The following UBAP2 variants were observed in gnomAD, a reference collection of about 807,000 sequenced individuals.
UBAP2 encodes the protein ubiquitin-associated protein 2.
UBAP2 carries 75 observed loss-of-function variants against 139.6 expected under a neutral mutation model. The observed-to-expected ratio is 0.54, with a 90% confidence interval of 0.45 to 0.65. The LOEUF (loss-of-function observed/expected upper bound fraction) is 0.65, where lower values mean the gene tolerates loss of function less well. UBAP2 is among the 30% of genes least tolerant of loss of function. The probability of loss-of-function intolerance (pLI) is 0.00; values close to 1 mark genes in which losing one functional copy is unlikely to be tolerated. For synonymous variants in UBAP2, 526 were observed against 526.2 expected (o/e 1.00, Z 0.01); for missense variants, 1,368 against 1,369.6 (o/e 1.00, Z 0.02).
At chr9:34,022,482 G>C (rs922060260) in intron 1 of UBAP2, among the ~76,000 whole-genome samples, 8 of 143,742 alleles carry the variant, frequency 5.6e-5, no homozygotes, top group Non-Finnish European at 1.2e-4. Context: ...TTGTTGCCCA[G>C]GCTGGAGTGC....
chr9:33,951,176 T>C (rs1023787017), intron 12 of UBAP2, among the ~76,000 whole-genome samples: 5 of 151,954 alleles, frequency 3.3e-5, no homozygotes, highest in African/African-American at 9.7e-5. Flanking sequence ...GCATGTGCCA[T>C]GACAACCAGC....
rs374357738 is a variant in UBAP2, at chr9:33,948,476, T to C, written c.1168A>G (p.Thr390Ala). The change falls in exon 13 of 29, where the codon ACC becomes GCC. Residue 390 changes from threonine (T) to alanine (A), a missense_variant. Thr to Ala is a moderately conservative substitution (Grantham distance 58). Coordinates refer to ENST00000379238, the MANE Select transcript of UBAP2 (RefSeq NM_001370062.2). ...CTATTCTGCTGTGTACTTGGGGTGGTGGTAAACTGGCCCAAACTCGGAGCT... is the reference window on the plus strand; with the variant it reads ...CTATTCTGCTGTGTACTTGGGGTGGCGGTAAACTGGCCCAAACTCGGAGCT... ...LKAPSLGQFT[T>A]TPSTQQNSTS... 1.2e-6 allele frequency: 2 copies of C among 1,614,156 alleles called. No homozygotes were observed. Among genetic ancestry groups the C allele is most frequent in the Admixed American group, 1.7e-5 (1 of 60,016 alleles).
At chr9:33,988,388 G>T (rs547950819) in intron 5 of UBAP2, among the ~76,000 whole-genome samples, 2 of 152,268 alleles carry the variant, frequency 1.3e-5, no homozygotes, top group East Asian at 3.9e-4. Context: ...CTGACACACT[G>T]CCAGAGCAGA....
intron 2 of UBAP2, among the ~76,000 whole-genome samples, chr9:34,002,470 C>A (rs555448446): frequency 3.3e-5 from 5 of 150,750 alleles, no homozygotes; most frequent in South Asian, 2.1e-4. Flanking sequence ...CTCCATCTCC[C>A]AGGTTCAAGC....
At chr9:33,929,228 C>T (rs567259278) in intron 19 of UBAP2, among the ~76,000 whole-genome samples, 9 of 152,280 alleles carry the variant, frequency 5.9e-5, no homozygotes, top group South Asian at 2.1e-4. Context: ...CTTTTAATCT[C>T]GGAAGGAAAA....
At chr9:33,943,396 A>C in intron 15 of UBAP2, 24 bp downstream of exon 15, 2 of 1,611,914 alleles carry the variant, frequency 1.2e-6, no homozygotes, top group Admixed American at 3.3e-5. Flanking sequence ...ATTTTGCTTC[A>C]TAACAAAGGA....
intron 2 of UBAP2, among the ~76,000 whole-genome samples, chr9:34,014,403 G>T (rs1217954434): frequency 1.3e-5 from 2 of 151,454 alleles, no homozygotes; most frequent in Admixed American, 1.3e-4. Flanking sequence ...GGCTAAGGGG[G>T]CAGTCACTTG....
chr9:33,966,225 A>G (rs1827440888), intron 8 of UBAP2, among the ~76,000 whole-genome samples: 1 of 151,760 alleles, frequency 6.6e-6, no homozygotes, highest in African/African-American at 2.4e-5. Context: ...AGGTGGGCAG[A>G]TCACTTGAGG....
chr9:33,950,858 A>G (rs1826035797), intron 12 of UBAP2, among the ~76,000 whole-genome samples: 1 of 152,230 alleles, frequency 6.6e-6, no homozygotes, highest in Non-Finnish European at 1.5e-5. Flanking sequence ...TACACATTTA[A>G]ATCAATGGAG....
chr9:34,015,102 G>A (rs1824132745), intron 2 of UBAP2, among the ~76,000 whole-genome samples: 1 of 152,142 alleles, frequency 6.6e-6, no homozygotes. Flanking sequence ...AACTATCAAA[G>A]TATAGTCAAA....
intron 17 of UBAP2, among the ~76,000 whole-genome samples, chr9:33,934,809 A>C (rs1824311832): frequency 6.6e-6 from 1 of 152,194 alleles, no homozygotes; most frequent in Non-Finnish European, 1.5e-5. Context: ...ACCTGCCACT[A>C]CCACTGCTAG....
At chr9:34,042,068 TGAAA>T (rs1396182536) in intron 1 of UBAP2, among the ~76,000 whole-genome samples, 2 of 151,106 alleles carry the variant, frequency 1.3e-5, no homozygotes, top group Non-Finnish European at 2.9e-5. Context: ...CATGTAAGAG[TGAAA>T]GAATCAAGCA....
chr9:34,015,939 G>A (rs1021732772), intron 2 of UBAP2, among the ~76,000 whole-genome samples: 3 of 152,104 alleles, frequency 2.0e-5, no homozygotes, highest in African/African-American at 7.2e-5. Context: ...AAAGTGTTGA[G>A]ATTACAGACA....
intron 24 of UBAP2, 137 bp downstream of exon 24, chr9:33,923,658 G>A: frequency 9.1e-7 from 1 of 1,096,370 alleles, no homozygotes; most frequent in Non-Finnish European, 1.4e-6. Flanking sequence ...CTTGTCCCCA[G>A]CCTGAACAGT....
chr9:33,937,152 A>C (rs544282442), intron 16 of UBAP2, among the ~76,000 whole-genome samples: 1 of 152,142 alleles, frequency 6.6e-6, no homozygotes, highest in Non-Finnish European at 1.5e-5. Context: ...AAAAAGTGAA[A>C]ATTATATTGC....
intron 6 of UBAP2, among the ~76,000 whole-genome samples, chr9:33,973,857 A>G (rs1259965589): frequency 6.6e-6 from 1 of 152,210 alleles, no homozygotes; most frequent in African/African-American, 2.4e-5. Context: ...TGAGTATGAC[A>G]CTAAAACTAC....
chr9:33,932,702 G>C lies in UBAP2; in HGVS notation c.2109-74C>G, dbSNP rs1824100158. The C allele has an allele frequency of 2.0e-6, 3 of 1,515,528 alleles. No homozygotes were observed. The African/African-American group carries it at 4.1e-5, about 21-fold the overall frequency. The allele number at this position is 1,515,528 out of a possible 1,614,324, so 93.9% of individuals were successfully genotyped here. A position where few individuals can be genotyped will look rare whatever the true frequency, so the allele number is the denominator to read the frequency against. On this transcript the variant is annotated intron_variant, in intron 18 of 28. Coordinates refer to ENST00000379238, the MANE Select transcript of UBAP2 (RefSeq NM_001370062.2). ...AGATGAACAAGACGCACGTGGGTCA[G>C]TGAGCTAGATTCAAACTTATCATAG...
chr9:34,016,231 GA>G (rs1824260055), intron 2 of UBAP2, among the ~76,000 whole-genome samples: 1 of 64,282 alleles, frequency 1.6e-5, no homozygotes, highest in Non-Finnish European at 4.0e-5. Flanking sequence ...GGAGGAGGAA[GA>G]GGAAGGGGAG....
chr9:33,958,837 T>C (rs1311148049), intron 10 of UBAP2, among the ~76,000 whole-genome samples: 2 of 150,100 alleles, frequency 1.3e-5, no homozygotes, highest in African/African-American at 4.9e-5. Flanking sequence ...TGGCCAACAG[T>C]GCAAGACCTA....
Sources: allele counts gnomAD v4.1 joint callset (sites outside exome capture counted in the v4.1 genomes callset), GRCh38; gene constraint gnomAD v4.1.1; transcripts MANE v1.5; gene names NCBI Gene and HGNC (gene_info 2026-07-23, HGNC 2026-07-21).